The following GEN1 variants were observed in gnomAD, a reference collection of about 807,000 sequenced individuals.
GEN1 encodes flap endonuclease GEN homolog 1.
In GEN1, 64 loss-of-function variants were observed where a neutral mutation model predicts 67.6. That is an observed-to-expected ratio of 0.95 (90% CI 0.77 to 1.17). GEN1 has a LOEUF of 1.17. Ranked by LOEUF, GEN1 falls within the 50% of genes most tolerant of loss-of-function variation. The pLI is 0.00. For missense variants in GEN1, 1,058 were observed against 1,048.3 expected, an observed-to-expected ratio of 1.01 and a Z score of -0.13; for synonymous variants, 371 against 359.4, an observed-to-expected ratio of 1.03 and a Z score of -0.37.
At chr2:17,768,843 G>A (rs1672052308) in intron 6 of GEN1, 32 bp downstream of exon 6, 1 of 1,314,016 alleles carries the variant, frequency 7.6e-7, no homozygotes, top group Admixed American at 1.7e-5. Flanking sequence ...TTGTGACATT[G>A]AACCTTTATT....
chr2:17,761,089 G>A (rs1405317524), intron 2 of GEN1, among the ~76,000 whole-genome samples: 2 of 151,952 alleles, frequency 1.3e-5, no homozygotes, highest in African/African-American at 2.4e-5. Context: ...AAAATTAGCC[G>A]GGCATGGTGG....
intron 3 of GEN1, among the ~76,000 whole-genome samples, chr2:17,762,801 A>G (rs1290367934): frequency 2.0e-5 from 3 of 152,182 alleles, no homozygotes; most frequent in African/African-American, 7.2e-5. Flanking sequence ...AAATTACCCA[A>G]TGTTGGATTG....
rs759066905 is a variant in GEN1, at chr2:17,764,964, G to T, written c.416G>T (p.Cys139Phe). The change falls in exon 4 of 14, where the codon TGT (cysteine) becomes TTT (phenylalanine). Residue 139 changes from cysteine to phenylalanine, a missense_variant. Coordinates refer to ENST00000381254, the MANE Select transcript of GEN1 (RefSeq NM_001130009.3). ...GCTGCTGGGGAAGCTGAAGCCATGT[G>T]TGCTTATCTCAATGCTGGTGGTCAT... ...VQAAGEAEAM[C>F]AYLNAGGHVD... 2 of 1,614,060 alleles carry T rather than the reference G, an allele frequency of 1.2e-6. No homozygotes were observed. Among genetic ancestry groups the T allele is most frequent in the African/African-American group, 2.7e-5 (2 of 74,932 alleles).
chr2:17,756,727 G>A (rs554327307), intron 1 of GEN1, among the ~76,000 whole-genome samples: 18 of 152,252 alleles, frequency 1.2e-4, no homozygotes, highest in Middle Eastern at 3.4e-3. Flanking sequence ...TGCCCGGCTA[G>A]TGTAGTATTT....
In GEN1 at chr2:17,781,486, C is replaced by G; in HGVS notation, c.2274C>G (p.Val758=). Residue 758 remains valine (V), a synonymous_variant, in exon 14 of 14, where the codon GTC becomes GTG. Coordinates refer to ENST00000381254, the MANE Select transcript of GEN1 (RefSeq NM_001130009.3). The part of the protein sequence containing the change: ...YKVNTSVPYS[V]SNTVVKTCNV... ...TCAATACTTCTGTCCCTTATTCTGT[C>G]AGTAACACAGTGGTAAAGACCTGCA... 2 of 1,613,536 alleles carry G rather than the reference C, an allele frequency of 1.2e-6. No homozygotes were observed. Among genetic ancestry groups the G allele is most frequent in the Non-Finnish European group, 1.7e-6 (2 of 1,179,936 alleles).
intron 11 of GEN1, among the ~76,000 whole-genome samples, chr2:17,775,482 CAGAT>C (rs759780737): frequency 3.3e-5 from 5 of 152,146 alleles, no homozygotes; most frequent in Non-Finnish European, 7.4e-5. Flanking sequence ...AAATTTAAGA[CAGAT>C]AGTTATACTA....
chr2:17,777,451 C>A (rs1243808286), intron 11 of GEN1, among the ~76,000 whole-genome samples: 1 of 151,950 alleles, frequency 6.6e-6, no homozygotes, highest in Non-Finnish European at 1.5e-5. Context: ...ACTATCAAAC[C>A]AAAATAATAC....
At chr2:17,760,163 A>T in intron 2 of GEN1, 59 bp downstream of exon 2, 2 of 1,448,508 alleles carry the variant, frequency 1.4e-6, no homozygotes, top group Non-Finnish European at 1.9e-6. Flanking sequence ...TGGTATCTTG[A>T]TTTTGTTTCA....
At position 17,782,147 on chromosome 2, in the gene GEN1, T is replaced by C. The variant is rs980885588; in HGVS notation, c.*208T>C. On this transcript the variant is annotated 3_prime_UTR_variant, in exon 14 of 14. Transcript: ENST00000381254. ...CCTCTGTATTGAAAACTTCTGATAA[T>C]GTATGTCATTATGTCCTTACTATTC... 2.1e-5 allele frequency: 9 copies of C among 435,166 alleles called. 1 individual carries two copies. In the Admixed American group the frequency reaches 3.6e-4, roughly 17 times the overall value. The allele number at this position is 435,166 out of a possible 1,614,324, so 27.0% of individuals were successfully genotyped here. A position where few individuals can be genotyped will look rare whatever the true frequency, so the allele number is the denominator to read the frequency against.
chr2:17,756,450 A>T (rs1472145817), intron 1 of GEN1, among the ~76,000 whole-genome samples: 1 of 152,234 alleles, frequency 6.6e-6, no homozygotes, highest in Non-Finnish European at 1.5e-5. Context: ...ACAGATTGAC[A>T]TCAATATACT....
intron 7 of GEN1, among the ~76,000 whole-genome samples, chr2:17,771,858 A>G (rs1672206357): frequency 6.6e-6 from 1 of 151,526 alleles, no homozygotes; most frequent in South Asian, 2.1e-4. Flanking sequence ...AGAGATTAGG[A>G]TATCATGTTA....
rs1174819902 is a variant in GEN1 at position 17,780,793 on chromosome 2, T to C, written c.1581T>C (p.Asn527=). Residue 527 remains asparagine (N), a synonymous_variant, in exon 14 of 14, where the codon AAT becomes AAC. Transcript: ENST00000381254. ...AGGAATCTATTTCTGCCTCATTGAA[T>C]AGCTTGCTTTTACCTAAAAATACTC... The part of the protein sequence containing the change: ...LPQESISASL[N]SLLLPKNTPC... 2 of 1,614,014 alleles carry C rather than the reference T, an allele frequency of 1.2e-6. No individual in the cohort carries two copies. Among genetic ancestry groups the C allele is most frequent in the Middle Eastern group, 1.7e-4 (1 of 6,058 alleles).
chr2:17,762,908 T>C (rs996674439), intron 3 of GEN1, among the ~76,000 whole-genome samples: 2 of 152,206 alleles, frequency 1.3e-5, no homozygotes, highest in African/African-American at 2.4e-5. Context: ...CACAAGAACA[T>C]TGGATGTTAG....
chr2:17,779,475 A>T (rs976931241), intron 12 of GEN1, among the ~76,000 whole-genome samples: 4 of 152,262 alleles, frequency 2.6e-5, no homozygotes, highest in Non-Finnish European at 5.9e-5. Flanking sequence ...TGCCAGGCAA[A>T]AAGAAAATAA....
At position 17,787,215 on chromosome 2, in the gene GEN1, GTATT is replaced by G. The variant is rs1372851439; in HGVS notation, c.*5280_*5283del. The G allele has an allele frequency of 1.3e-5, 2 of 152,172 alleles. No homozygotes were observed. The highest frequency in any genetic ancestry group is 2.9e-5 in the Non-Finnish European group (2 of 68,032). 9.4% of individuals were successfully genotyped at this position (152,172 alleles called of 1,614,324 possible). The stretch of plus-strand genomic sequence containing the variant: ...AGAAATTACCCATACATTCATCAGA[GTATT>G]TATCACATTCATTCATTCGTTCCAC... On this transcript the variant is annotated 3_prime_UTR_variant, in exon 14 of 14. Coordinates refer to ENST00000381254, the MANE Select transcript of GEN1 (RefSeq NM_001130009.3).
intron 1 of GEN1, chr2:17,754,777 TGTA>T (rs1671327826): frequency 1.3e-5 from 2 of 152,266 alleles, no homozygotes; most frequent in Non-Finnish European, 2.9e-5. Flanking sequence ...TTTAAGGTAT[TGTA>T]GTTATTTACA....
intron 1 of GEN1, chr2:17,755,633 C>T (rs1387333817): frequency 6.6e-6 from 1 of 152,142 alleles, no homozygotes; most frequent in Admixed American, 6.5e-5. Flanking sequence ...TGAATATATA[C>T]TCATCTAAAT....
intron 11 of GEN1, among the ~76,000 whole-genome samples, chr2:17,776,115 C>CAAAAA (rs34705905): frequency 1.2e-5 from 1 of 80,690 alleles, no homozygotes; most frequent in Non-Finnish European, 2.5e-5. Flanking sequence ...GACCCTGTCT[C>CAAAAA]AAAAAAAAAA....
In GEN1 at chr2:17,780,601, T is replaced by C; in HGVS notation, c.1409-20T>C. The C allele has an allele frequency of 7.2e-7, 1 of 1,390,970 alleles. No homozygotes were observed. Among genetic ancestry groups the C allele is most frequent in the South Asian group, 1.4e-5 (1 of 72,850 alleles). The allele number at this position is 1,390,970 out of a possible 1,614,324, so 86.2% of individuals were successfully genotyped here. ...GCAAAGAAAATAAATGTTGATTATA[T>C]GTATTTTTTTTCTTTTCAGGTATTA... On this transcript the variant is annotated intron_variant, in intron 13 of 13. Transcript: ENST00000381254.
Sources: allele counts gnomAD v4.1 joint callset (sites outside exome capture counted in the v4.1 genomes callset), GRCh38; gene constraint gnomAD v4.1.1; transcripts MANE v1.5; gene names NCBI Gene and HGNC (gene_info 2026-07-23, HGNC 2026-07-21).